The following ADAMTS2 variants were observed in gnomAD, a reference collection of about 807,000 sequenced individuals.
The protein encoded by ADAMTS2 is A disintegrin and metalloproteinase with thrombospondin motifs 2.
A neutral mutation model predicts 123.0 loss-of-function variants in ADAMTS2; 50 were observed. The observed-to-expected ratio is 0.41, with a 90% CI of 0.32 to 0.51. The LOEUF is 0.51. Ranked by LOEUF, ADAMTS2 falls within the 20% of genes least tolerant of loss-of-function variation. ADAMTS2 has a pLI of 0.35. For synonymous variants in ADAMTS2, 678 were observed against 695.4 expected (o/e 0.98, Z 0.39); for missense variants, 1,494 against 1,705.2 (o/e 0.88, Z 2.18).
rs945276636 is a variant in ADAMTS2 at position 179,314,490 on chromosome 5, C to T, written c.534+29277G>A. 1.8e-4 allele frequency among the ~76,000 whole-genome samples: 27 copies of T among 152,304 alleles called. 1 individual carries two copies. Among genetic ancestry groups the T allele is most frequent in the South Asian group, 1.5e-3 (7 of 4,826 alleles). ...TTTGAGACAAGAGTAGTAAATGCAC[C>T]GTGCTGTACTCAGAGCCCAGGAAGC... On this transcript the variant is annotated intron_variant, in intron 2 of 21. Transcript: ENST00000251582. The surrounding 1 kb of genome is among the most constrained non-coding windows in gnomAD (Gnocchi z 4.5).
At position 179,245,797 on chromosome 5, in the gene ADAMTS2, A is replaced by AAAAC. The variant is rs1491546682; in HGVS notation, c.688+27113_688+27114insGTTT. 1.2e-4 allele frequency among the ~76,000 whole-genome samples: 8 copies of AAAAC among 68,326 alleles called. 1 individual carries two copies. The highest frequency in any genetic ancestry group is 1.3e-4 in the Non-Finnish European group (3 of 22,514). The allele number at this position is 68,326 out of a possible 152,430, so 44.8% of individuals were successfully genotyped here. A position where few individuals can be genotyped will look rare whatever the true frequency, so the allele number is the denominator to read the frequency against. ...AAAAAAAAAAAAAAAAAAAAAAAAC[A>AAAAC]AAAAAAACAAAGATGGGGGTGGAAG... On this transcript the variant is annotated intron_variant, in intron 3 of 21. Transcript: ENST00000251582.
intron 2 of ADAMTS2, among the ~76,000 whole-genome samples, chr5:179,275,171 G>A (rs1010056783): frequency 6.6e-6 from 1 of 152,138 alleles, no homozygotes; most frequent in Non-Finnish European, 1.5e-5. Context: ...CAGAAGCATG[G>A]TGGCTGCGGC....
At chr5:179,224,528 G>A (rs532808883) in intron 3 of ADAMTS2, among the ~76,000 whole-genome samples, 1 of 152,300 alleles carries the variant, frequency 6.6e-6, no homozygotes, top group African/African-American at 2.4e-5. Flanking sequence ...CGGCCCTCTT[G>A]GCTTGTCTTT....
chr5:179,121,957 C>T, intron 20 of ADAMTS2: 1 of 412,776 alleles, frequency 2.4e-6, no homozygotes, highest in South Asian at 6.6e-5. Flanking sequence ...TGGGTCTCAG[C>T]TATCCCGTCC....
At position 179,234,730 on chromosome 5, in the gene ADAMTS2, G is replaced by A. The variant is rs900774212; in HGVS notation, c.689-27015C>T. Among the ~76,000 whole-genome samples the A allele has an allele frequency of 5.3e-5, 8 of 151,944 alleles. No homozygotes were observed. The highest frequency in any genetic ancestry group is 1.9e-4 in the East Asian group (1 of 5,168). On this transcript the variant is annotated intron_variant, in intron 3 of 21. Coordinates refer to ENST00000251582, the MANE Select transcript of ADAMTS2 (RefSeq NM_014244.5). The surrounding 1 kb of genome is among the most constrained non-coding windows in gnomAD (Gnocchi z 4.7). ...ATCCTGGCACCTTCCCCATCTCCCC[G>A]TCCATGATGAGCTCAGCCCCTCCCT... is the stretch of plus-strand genomic sequence containing the variant.
chr5:179,343,501 AAG>A (rs567598116), intron 2 of ADAMTS2, among the ~76,000 whole-genome samples: 61 of 152,344 alleles, frequency 4.0e-4, no homozygotes, highest in African/African-American at 1.1e-3. Context: ...AGGCAGGCAA[AAG>A]AGAGAGGCGC....
intron 2 of ADAMTS2, among the ~76,000 whole-genome samples, chr5:179,304,205 T>C (rs529023299): frequency 2.6e-5 from 4 of 152,264 alleles, no homozygotes; most frequent in Admixed American, 1.3e-4. Flanking sequence ...CAAGGGTTAA[T>C]TACCTGATCA....
chr5:179,266,785 T>A (rs1354101948), intron 3 of ADAMTS2, among the ~76,000 whole-genome samples: 1 of 148,168 alleles, frequency 6.7e-6, no homozygotes, highest in East Asian at 1.9e-4. Flanking sequence ...AGCCCCCACC[T>A]GGGCCAAGCC....
chr5:179,224,795 G>C (rs1316803774), intron 3 of ADAMTS2, among the ~76,000 whole-genome samples: 2 of 152,214 alleles, frequency 1.3e-5, no homozygotes, highest in Non-Finnish European at 2.9e-5. Context: ...ATGAACCAAA[G>C]CTGGGTCCCC....
At chr5:179,302,410 G>T (rs544450420) in intron 2 of ADAMTS2, among the ~76,000 whole-genome samples, 6 of 146,226 alleles carry the variant, frequency 4.1e-5, no homozygotes, top group African/African-American at 1.0e-4. Context: ...AAAAAAAAGC[G>T]GGGGAGTGAT....
Position 179,285,876 on chromosome 5 carries a change from G to A in ADAMTS2, c.535-12812C>T, listed in dbSNP as rs1307869136. On this transcript the variant is annotated intron_variant, in intron 2 of 21. Coordinates refer to ENST00000251582, the MANE Select transcript of ADAMTS2 (RefSeq NM_014244.5). The surrounding 1 kb of genome is among the most constrained non-coding windows in gnomAD (Gnocchi z 4.9). Reference sequence around the variant, plus strand: ...GCAGATTGTGGCCTTGAGACGTGTGGTGGAGGAGAGCTCATGGAATAAGGT... The same window carrying A: ...GCAGATTGTGGCCTTGAGACGTGTGATGGAGGAGAGCTCATGGAATAAGGT... Among the ~76,000 whole-genome samples, 1 of 152,158 alleles carries A rather than the reference G, an allele frequency of 6.6e-6. No individual in the cohort carries two copies. The highest frequency in any genetic ancestry group is 1.5e-5 in the Non-Finnish European group (1 of 68,020).
intron 5 of ADAMTS2, among the ~76,000 whole-genome samples, chr5:179,173,670 A>C (rs2113297426): frequency 6.6e-6 from 1 of 152,366 alleles, no homozygotes; most frequent in Middle Eastern, 3.4e-3. Context: ...ACAGAGTTGT[A>C]GAAATGAATG....
intron 3 of ADAMTS2, among the ~76,000 whole-genome samples, chr5:179,248,637 A>G (rs184800274): frequency 1.3e-5 from 2 of 152,284 alleles, no homozygotes; most frequent in East Asian, 3.8e-4. Flanking sequence ...AAAATTTTAC[A>G]ACAAAGAACA....
In ADAMTS2 at chr5:179,333,596, G is replaced by GTTTTTTTT. The variant is rs1219136980; in HGVS notation, c.534+10163_534+10170dup. Among the ~76,000 whole-genome samples the GTTTTTTTT allele has an allele frequency of 7.5e-5, 8 of 105,966 alleles. 1 individual carries two copies. Among genetic ancestry groups the GTTTTTTTT allele is most frequent in the East Asian group, 5.7e-4 (2 of 3,482 alleles). The allele number at this position is 105,966 out of a possible 152,430, so 69.5% of individuals were successfully genotyped here. ...CAAGCCACAGATTTGGTTTTTTTCT[G>GTTTTTTTT]TTTTTTTTTTTTTTTTTTTTTTTAG... On this transcript the variant is annotated intron_variant, in intron 2 of 21. Transcript: ENST00000251582.
chr5:179,269,175 C>T (rs1357351652), intron 3 of ADAMTS2, among the ~76,000 whole-genome samples: 2 of 152,126 alleles, frequency 1.3e-5, no homozygotes, highest in African/African-American at 2.4e-5. Flanking sequence ...CCCCCAGGAG[C>T]GGGGATGGGC....
chr5:179,295,750 G>A (rs935455406), intron 2 of ADAMTS2, among the ~76,000 whole-genome samples: 11 of 152,188 alleles, frequency 7.2e-5, no homozygotes, highest in African/African-American at 1.4e-4. Flanking sequence ...GGGCAGTCCC[G>A]CAAGTGAGAG....
At chr5:179,238,893 T>C (rs1297727889) in intron 3 of ADAMTS2, among the ~76,000 whole-genome samples, 1 of 151,922 alleles carries the variant, frequency 6.6e-6, no homozygotes, top group African/African-American at 2.4e-5. Context: ...CCTTCCACCA[T>C]AGTGCAGGAT....
intron 13 of ADAMTS2, among the ~76,000 whole-genome samples, chr5:179,133,991 C>A (rs1047987762): frequency 6.6e-6 from 1 of 152,138 alleles, no homozygotes; most frequent in Middle Eastern, 3.4e-3. Flanking sequence ...GGATTACAGG[C>A]GTGAGCCACC....
At chr5:179,194,081 C>T (rs112366932) in intron 4 of ADAMTS2, among the ~76,000 whole-genome samples, 35 of 152,310 alleles carry the variant, frequency 2.3e-4, no homozygotes, top group South Asian at 2.1e-3. Context: ...GGGACTCTAA[C>T]TCCCATTCTG....
Sources: allele counts gnomAD v4.1 joint callset (sites outside exome capture counted in the v4.1 genomes callset), GRCh38; gene constraint gnomAD v4.1.1; non-coding constraint Gnocchi (gnomAD v3.1); transcripts MANE v1.5; gene names NCBI Gene and HGNC (gene_info 2026-07-23, HGNC 2026-07-21).